The following MSN variants were observed in gnomAD, a reference collection of about 807,000 sequenced individuals.
The protein encoded by MSN is moesin.
A neutral mutation model predicts 48.0 loss-of-function variants in MSN; 2 were observed. The observed-to-expected ratio is 0.04, with a 90% CI of 0.02 to 0.13. The LOEUF (loss-of-function observed/expected upper bound fraction) is 0.13. Ranked by LOEUF, MSN falls within the 10% of genes least tolerant of loss-of-function variation. MSN has a pLI of 1.00. For missense variants in MSN, 267 were observed against 470.1 expected, an observed-to-expected ratio of 0.57 and a Z score of 3.99; for synonymous variants, 146 against 166.9, an observed-to-expected ratio of 0.87 and a Z score of 0.97.
intron 1 of MSN, among the ~76,000 whole-genome samples, chrX:65,697,765 A>C (rs2071260237): frequency 8.9e-6 from 1 of 112,513 alleles, no homozygotes; most frequent in Admixed American, 9.4e-5. Flanking sequence ...GTCATCTTCC[A>C]GTCTCCAAAT....
intron 1 of MSN, among the ~76,000 whole-genome samples, chrX:65,631,671 G>A (rs1479921175): frequency 9.0e-6 from 1 of 110,756 alleles, no homozygotes; most frequent in African/African-American, 3.3e-5. Context: ...CTAGTTTGGC[G>A]CTATTATTAT....
chrX:65,702,045 G>A (rs1303826981), intron 1 of MSN, among the ~76,000 whole-genome samples: 1 of 100,408 alleles, frequency 1.0e-5, no homozygotes, highest in Non-Finnish European at 2.0e-5. Context: ...TTCCTCTGTC[G>A]CCTGTCGCCC....
At chrX:65,670,541 G>GTTTA (rs2070921743) in intron 1 of MSN, among the ~76,000 whole-genome samples, 2 of 109,464 alleles carry the variant, frequency 1.8e-5, no homozygotes, top group Non-Finnish European at 3.8e-5. Flanking sequence ...TGACCAACAT[G>GTTTA]GTGAAACCCT....
intron 7 of MSN, 142 bp from the exon 8 acceptor site, chrX:65,735,125 C>A: frequency 1.5e-6 from 1 of 684,173 alleles, no homozygotes. Flanking sequence ...CTTTACCACT[C>A]TGATAATTAG....
chrX:65,670,179 G>T (rs1200145534), intron 1 of MSN, among the ~76,000 whole-genome samples: 2 of 111,883 alleles, frequency 1.8e-5, no homozygotes, highest in African/African-American at 6.5e-5. Context: ...CAAGGCCAAG[G>T]TGTTCAGGGG....
At chrX:65,694,197 A>C (rs942563619) in intron 1 of MSN, among the ~76,000 whole-genome samples, 2 of 112,102 alleles carry the variant, frequency 1.8e-5, no homozygotes, top group Admixed American at 9.4e-5. Context: ...AAAGTGCTTG[A>C]TAAATGGCTG....
chrX:65,633,249 CT>C (rs374073633), intron 1 of MSN, among the ~76,000 whole-genome samples: 3 of 111,315 alleles, frequency 2.7e-5, no homozygotes, highest in Admixed American at 9.6e-5. Context: ...GAGGTGGAGA[CT>C]TTTTTTGCAC....
Position 65,739,738 on chromosome X carries a change from T to G in MSN, c.1579T>G (p.Ser527Ala), listed in dbSNP as rs1398275807. The G allele has an allele frequency of 1.7e-6, 2 of 1,208,998 alleles. No homozygotes were observed. The highest frequency in any genetic ancestry group is 2.2e-5 in the Admixed American group (1 of 45,726). The stretch of plus-strand genomic sequence containing the variant: ...CCATACATCCTCACAGGCCCTCACT[T>G]CGGAGCTGGCCAATGCCAGAGATGA... Reference protein sequence around the residue: ...RVQKHLKALTSELANARDESK... With the variant: ...RVQKHLKALTAELANARDESK... Residue 527 changes from serine to alanine, a missense_variant, in exon 13 of 13, where the codon TCG becomes GCG. By Grantham distance (99) the Ser-to-Ala change is moderately conservative. Around this residue, in one of 5 missense-constraint regions of MSN, gnomAD observed 48 missense variants for 115.5 expected, o/e 0.42. Transcript: ENST00000360270.
intron 12 of MSN, 65 bp from the exon 13 acceptor site, chrX:65,739,664 G>T: frequency 9.0e-7 from 1 of 1,109,570 alleles, no homozygotes; most frequent in Non-Finnish European, 1.2e-6. Context: ...GGGAAGTCTG[G>T]TCAAATAACA....
intron 2 of MSN, among the ~76,000 whole-genome samples, chrX:65,723,253 T>G (rs1569466942): frequency 8.9e-6 from 1 of 112,001 alleles, no homozygotes; most frequent in African/African-American, 3.3e-5. Flanking sequence ...CTTGCAATAA[T>G]TTTAAAAATT....
chrX:65,597,982 G>GCTGT (rs765101511), intron 1 of MSN, among the ~76,000 whole-genome samples: 16 of 111,756 alleles, frequency 1.4e-4, no homozygotes, highest in African/African-American at 5.2e-4. Context: ...CTTTCATCCT[G>GCTGT]CTGTCTTCCT....
chrX:65,683,246 G>A (rs2071075168), intron 1 of MSN, among the ~76,000 whole-genome samples: 1 of 111,709 alleles, frequency 9.0e-6, no homozygotes, highest in African/African-American at 3.3e-5. Context: ...TTGTGCACCT[G>A]AGGTTTAGGG....
Position 65,673,080 on chromosome X carries a change from G to A in MSN, c.12+5227G>A, listed in dbSNP as rs189589238. 2.7e-5 allele frequency among the ~76,000 whole-genome samples: 3 copies of A among 111,334 alleles called. No homozygotes were observed. In the East Asian group the frequency reaches 8.5e-4, roughly 31 times the overall value. Reference sequence around the variant, plus strand: ...AAGAATACTGGCTTGAGTACTCTTGGCCATTTCTTCCCGAGTCATGGGAGA... The same window carrying A: ...AAGAATACTGGCTTGAGTACTCTTGACCATTTCTTCCCGAGTCATGGGAGA... On this transcript the variant is annotated intron_variant, in intron 1 of 12. Transcript: ENST00000360270.
At chrX:65,624,919 G>A (rs972451365) in intron 1 of MSN, 1 of 111,617 alleles carries the variant, frequency 9.0e-6, no homozygotes, top group African/African-American at 3.3e-5. Context: ...GGAAGCAAGG[G>A]ACGAACTACA....
chrX:65,695,172 A>G (rs922527538), intron 1 of MSN, among the ~76,000 whole-genome samples: 1 of 109,136 alleles, frequency 9.2e-6, no homozygotes, highest in African/African-American at 3.4e-5. Flanking sequence ...TTCCAGGTCT[A>G]TCTGTAGGTA....
intron 1 of MSN, among the ~76,000 whole-genome samples, chrX:65,601,632 C>G (rs1229013265): frequency 8.9e-6 from 1 of 111,969 alleles, no homozygotes; most frequent in Non-Finnish European, 1.9e-5. Context: ...AAGATCTAAC[C>G]CTGGTGGGGA....
At chrX:65,615,519 G>C (rs2070362015) in intron 1 of MSN, among the ~76,000 whole-genome samples, 1 of 109,051 alleles carries the variant, frequency 9.2e-6, no homozygotes, top group Non-Finnish European at 1.9e-5. Context: ...AGAAGTGTCT[G>C]TTCATGTCCT....
At chrX:65,688,976 G>A (rs749570444) in intron 1 of MSN, among the ~76,000 whole-genome samples, 297 of 112,262 alleles carry the variant, frequency 2.6e-3, no homozygotes, top group African/African-American at 9.0e-3. Context: ...CCTAGCTAAT[G>A]TAGAGTCTTG....
chrX:65,725,803 A>G (rs745732148), intron 2 of MSN, among the ~76,000 whole-genome samples: 16 of 111,741 alleles, frequency 1.4e-4, no homozygotes, highest in Admixed American at 1.4e-3. Context: ...ACATGTTTCT[A>G]ATTATCCACA....
Sources: gnomAD v4.1 joint callset for allele counts (sites outside exome capture counted in the v4.1 genomes callset) on GRCh38, gnomAD v4.1.1 for gene constraint, gnomAD v4.1.1 regional missense constraint, MANE v1.5 for transcripts, NCBI Gene and HGNC (gene_info 2026-07-23, HGNC 2026-07-21) for gene names.